The following PEX7 variants were observed in gnomAD, a reference collection of about 807,000 sequenced individuals.
PEX7 encodes PTS2 receptor.
Under a neutral mutation model 47.5 loss-of-function variants are expected in PEX7, and 34 were observed. The ratio of observed to expected loss-of-function variants is 0.72; its 90% CI spans 0.54 to 0.95. The LOEUF (loss-of-function observed/expected upper bound fraction) is 0.95. Ranked by LOEUF, PEX7 falls within the 40% of genes least tolerant of loss-of-function variation. The pLI is 0.00. For missense variants in PEX7, 394 were observed against 400.3 expected, an observed-to-expected ratio of 0.98 and a Z score of 0.13; for synonymous variants, 141 against 148.8, an observed-to-expected ratio of 0.95 and a Z score of 0.38.
chr6:136,878,340 T>C (rs1315503679), intron 8 of PEX7, among the ~76,000 whole-genome samples: 1 of 152,204 alleles, frequency 6.6e-6, no homozygotes, highest in Admixed American at 6.5e-5. Flanking sequence ...TCCAATACTA[T>C]GTTGAATAGG....
intron 8 of PEX7, 106 bp downstream of exon 8, chr6:136,872,359 T>C (rs1173445902): frequency 1.1e-5 from 9 of 825,340 alleles, no homozygotes; most frequent in Middle Eastern, 2.9e-4. Context: ...ATGAAAATAA[T>C]CTGAGATGGG....
At chr6:136,853,605 A>C (rs893771279) in intron 5 of PEX7, among the ~76,000 whole-genome samples, 1 of 152,184 alleles carries the variant, frequency 6.6e-6, no homozygotes, top group East Asian at 1.9e-4. Context: ...TGACCAAACC[A>C]TCCTAAATTG....
chr6:136,911,379 C>A (rs1357676478), intron 9 of PEX7, among the ~76,000 whole-genome samples: 1 of 152,030 alleles, frequency 6.6e-6, no homozygotes, highest in Non-Finnish European at 1.5e-5. Flanking sequence ...CAATTTGTTA[C>A]CGATTCTTTT....
At chr6:136,868,837 A>G (rs1026847730) in intron 6 of PEX7, among the ~76,000 whole-genome samples, 1 of 152,062 alleles carries the variant, frequency 6.6e-6, no homozygotes, top group African/African-American at 2.4e-5. Flanking sequence ...CTCTGGGTTC[A>G]CTTGGGGCTC....
intron 8 of PEX7, among the ~76,000 whole-genome samples, chr6:136,874,262 T>C (rs557663020): frequency 6.6e-6 from 1 of 152,228 alleles, no homozygotes; most frequent in Non-Finnish European, 1.5e-5. Flanking sequence ...GTGGAGTACT[T>C]TCTTGATAAC....
chr6:136,847,196 T>A (rs1774621136), intron 5 of PEX7, among the ~76,000 whole-genome samples: 3 of 58,052 alleles, frequency 5.2e-5, no homozygotes, highest in African/African-American at 2.1e-4. Context: ...GTTGTTTGAT[T>A]TTTTCTTGTA....
intron 2 of PEX7, 56 bp downstream of exon 2, chr6:136,825,327 A>T: frequency 7.2e-7 from 1 of 1,382,070 alleles, no homozygotes; most frequent in Middle Eastern, 1.8e-4. Flanking sequence ...GCCTTAATAG[A>T]ATTAGGTTTT....
intron 3 of PEX7, among the ~76,000 whole-genome samples, chr6:136,844,815 A>C (rs1241542431): frequency 1.3e-5 from 2 of 152,170 alleles, no homozygotes; most frequent in African/African-American, 4.8e-5. Context: ...GAGAGAAAGT[A>C]ACCCACATGT....
intron 1 of PEX7, among the ~76,000 whole-genome samples, chr6:136,824,570 A>G (rs891106089): frequency 9.2e-5 from 14 of 152,230 alleles, no homozygotes; most frequent in Admixed American, 2.6e-4. Context: ...AAAAAAATTC[A>G]GTCATGTTTA....
chr6:136,885,552 A>G (rs1775454668), intron 8 of PEX7, among the ~76,000 whole-genome samples: 1 of 152,236 alleles, frequency 6.6e-6, no homozygotes, highest in East Asian at 1.9e-4. Flanking sequence ...ACAAAATTGT[A>G]CAACTGTACT....
intron 9 of PEX7, among the ~76,000 whole-genome samples, chr6:136,898,653 C>T (rs1775694627): frequency 6.6e-6 from 1 of 152,164 alleles, no homozygotes; most frequent in African/African-American, 2.4e-5. Context: ...AAGACTGTCA[C>T]CCTTGTCTTC....
intron 8 of PEX7, among the ~76,000 whole-genome samples, chr6:136,896,307 C>CA (rs1242304869): frequency 6.6e-6 from 1 of 152,220 alleles, no homozygotes; most frequent in Non-Finnish European, 1.5e-5. Context: ...CAAATGAAGT[C>CA]AGAGAGCTAA....
intron 5 of PEX7, among the ~76,000 whole-genome samples, chr6:136,860,277 G>A (rs1400173827): frequency 6.6e-6 from 1 of 152,110 alleles, no homozygotes; most frequent in Non-Finnish European, 1.5e-5. Flanking sequence ...ACAAAATGGC[G>A]AGGATGAAGT....
intron 8 of PEX7, among the ~76,000 whole-genome samples, chr6:136,872,504 T>G (rs555693842): frequency 6.6e-6 from 1 of 152,294 alleles, no homozygotes; most frequent in South Asian, 2.1e-4. Context: ...CTAATAGATG[T>G]TCCTATGGTA....
At chr6:136,898,043 T>G (rs1023916061) in intron 8 of PEX7, 99 bp from the exon 9 acceptor site, 9 of 753,562 alleles carry the variant, frequency 1.2e-5, no homozygotes, top group Middle Eastern at 2.7e-4. Context: ...TGAGCCTGTT[T>G]GGATAAAATC....
intron 8 of PEX7, among the ~76,000 whole-genome samples, chr6:136,890,591 A>G (rs1678274087): frequency 6.6e-6 from 1 of 151,780 alleles, no homozygotes; most frequent in African/African-American, 2.4e-5. Flanking sequence ...CACCGTGTCC[A>G]CCCTCTGCTG....
At chr6:136,899,120 ACCCAGGCTG>A (rs1037512247) in intron 9 of PEX7, among the ~76,000 whole-genome samples, 1 of 122,122 alleles carries the variant, frequency 8.2e-6, no homozygotes, top group African/African-American at 3.1e-5. Context: ...TCACACTGTC[ACCCAGGCTG>A]GAGTGCAGTG....
intron 9 of PEX7, among the ~76,000 whole-genome samples, chr6:136,907,469 A>G (rs927558382): frequency 2.0e-5 from 3 of 151,366 alleles, no homozygotes; most frequent in African/African-American, 7.4e-5. Context: ...CTTTTTCAAA[A>G]TGTAGAGTTA....
intron 8 of PEX7, among the ~76,000 whole-genome samples, chr6:136,890,230 C>G (rs768156132): frequency 6.6e-6 from 1 of 152,206 alleles, no homozygotes; most frequent in South Asian, 2.1e-4. Context: ...AGCAGAGTCC[C>G]TTATCTTTCT....
Sources: gnomAD v4.1 joint callset for allele counts (sites outside exome capture counted in the v4.1 genomes callset) on GRCh38, gnomAD v4.1.1 for gene constraint, MANE v1.5 for transcripts, NCBI Gene and HGNC (gene_info 2026-07-23, HGNC 2026-07-21) for gene names.